The following HECW1 variants were observed in gnomAD, a reference collection of about 807,000 sequenced individuals.
HECW1 encodes the protein E3 ubiquitin-protein ligase HECW1.
A neutral mutation model predicts 182.3 loss-of-function variants in HECW1; 61 were observed. The observed-to-expected ratio is 0.33, with a 90% CI of 0.27 to 0.41. The LOEUF is 0.41. Among genes scored for constraint, HECW1 ranks in the 10% least tolerant of loss-of-function variants. HECW1 has a pLI of 1.00. For missense variants in HECW1, 1,739 were observed against 2,108.9 expected (o/e 0.82, Z 3.44); for synonymous variants, 859 against 832.6 (o/e 1.03, Z -0.55).
rs534064577 is a variant in HECW1, at chr7:43,449,010, G to A, written c.2399-1818G>A. 7.2e-5 allele frequency among the ~76,000 whole-genome samples: 11 copies of A among 152,238 alleles called. No homozygotes were observed. The South Asian group carries it at 2.3e-3, about 32-fold the overall frequency. On this transcript the variant is annotated intron_variant, in intron 11 of 29. Transcript: ENST00000395891. ...TTGGTCACATCATTGCATTTGCTTG[G>A]GGTTCACAAGCAGGTGGGATCAGCT...
chr7:43,447,550 G>A (rs564431739), intron 11 of HECW1, among the ~76,000 whole-genome samples: 1 of 152,132 alleles, frequency 6.6e-6, no homozygotes, highest in African/African-American at 2.4e-5. Context: ...AAAGATTCCC[G>A]AGGGGTCTCT....
chr7:43,187,795 A>T (rs536604184), intron 2 of HECW1, among the ~76,000 whole-genome samples: 58 of 152,270 alleles, frequency 3.8e-4, no homozygotes, highest in African/African-American at 1.3e-3. Flanking sequence ...TTTGGTAATT[A>T]TAGGTGAGCT....
At chr7:43,468,849 C>T (rs2077896776) in intron 15 of HECW1, 71 bp from the exon 16 acceptor site, 4 of 1,341,718 alleles carry the variant, frequency 3.0e-6, no homozygotes, top group Non-Finnish European at 4.2e-6. Flanking sequence ...TGTTAGGGTG[C>T]TCATAGTGTG....
chr7:43,395,860 A>G (rs2075211838), intron 6 of HECW1, among the ~76,000 whole-genome samples: 1 of 152,202 alleles, frequency 6.6e-6, no homozygotes, highest in Non-Finnish European at 1.5e-5. Context: ...TCCAATCACA[A>G]CCTATACAGC....
chr7:43,184,608 C>A (rs974994763), intron 2 of HECW1, among the ~76,000 whole-genome samples: 2 of 152,126 alleles, frequency 1.3e-5, no homozygotes, highest in African/African-American at 4.8e-5. Flanking sequence ...GGACTTTCAG[C>A]ATTACCCCTC....
intron 3 of HECW1, chr7:43,258,853 G>A (rs934886442): frequency 3.3e-5 from 5 of 152,156 alleles, no homozygotes; most frequent in Admixed American, 6.5e-5. Context: ...CTGATGGTAG[G>A]GAATGGCTTC....
chr7:43,307,070 G>GA (rs201464180), intron 3 of HECW1, among the ~76,000 whole-genome samples: 250 of 151,294 alleles, frequency 1.7e-3, no homozygotes, highest in Non-Finnish European at 2.8e-3. Flanking sequence ...CTACAAATAG[G>GA]AAAAAAAACC....
chr7:43,417,313 G>C (rs1269953085), intron 8 of HECW1, among the ~76,000 whole-genome samples: 1 of 152,158 alleles, frequency 6.6e-6, no homozygotes, highest in Non-Finnish European at 1.5e-5. Flanking sequence ...ATTTCCCAAA[G>C]TGCTGAGATT....
At chr7:43,301,988 C>T (rs1374718260) in intron 3 of HECW1, among the ~76,000 whole-genome samples, 1 of 152,094 alleles carries the variant, frequency 6.6e-6, no homozygotes, top group Non-Finnish European at 1.5e-5. Context: ...TAAAAGAGAG[C>T]ATCTTTACAG....
rs1352955003 is a variant in HECW1, at chr7:43,469,230, G to C, written c.3099+125G>C. 3.1e-6 allele frequency: 3 copies of C among 971,420 alleles called. No homozygotes were observed. In the East Asian group the frequency reaches 7.4e-5, roughly 24 times the overall value. The allele number at this position is 971,420 out of a possible 1,614,324, so 60.2% of individuals were successfully genotyped here. A position where few individuals can be genotyped will look rare whatever the true frequency, so the allele number is the denominator to read the frequency against. The stretch of plus-strand genomic sequence containing the variant: ...CTGAGAGATGTGCTATCGGCCGCCA[G>C]CAGTAAAGGGGCTGATAACCACCCA... On this transcript the variant is annotated intron_variant, in intron 16 of 29. Coordinates refer to ENST00000395891, the MANE Select transcript of HECW1 (RefSeq NM_015052.5).
At chr7:43,393,431 G>A (rs10261813) in intron 6 of HECW1, among the ~76,000 whole-genome samples, 41,594 of 152,076 alleles carry the variant, frequency 0.27, 5,812 homozygotes, top group South Asian at 0.41. Context: ...CTTCTGCAAC[G>A]CATCTCGAGT....
intron 28 of HECW1, among the ~76,000 whole-genome samples, chr7:43,553,665 T>A (rs1318481511): frequency 3.9e-5 from 4 of 102,770 alleles, no homozygotes; most frequent in African/African-American, 1.5e-4. Context: ...CGAGATTCTG[T>A]CTCAAAAAAA....
At chr7:43,117,401 T>C (rs1785144680) in intron 2 of HECW1, among the ~76,000 whole-genome samples, 1 of 152,006 alleles carries the variant, frequency 6.6e-6, no homozygotes. Context: ...ACATAAGCCA[T>C]ATGCCAGTAG....
At chr7:43,382,113 G>A (rs1013899922) in intron 6 of HECW1, among the ~76,000 whole-genome samples, 1 of 152,194 alleles carries the variant, frequency 6.6e-6, no homozygotes, top group East Asian at 1.9e-4. Context: ...GTGAAACCCC[G>A]TCTCTACTAG....
chr7:43,315,069 T>C (rs1044110785), intron 4 of HECW1, among the ~76,000 whole-genome samples: 1 of 152,208 alleles, frequency 6.6e-6, no homozygotes, highest in African/African-American at 2.4e-5. Context: ...AGGGTTGTGA[T>C]GCTTTCAGCA....
chr7:43,509,096 G>A lies in HECW1; in HGVS notation c.3994G>A (p.Ala1332Thr), dbSNP rs200973212. Reference protein sequence around the residue: ...TYTVQISPMSAFVENHLEWFR... With the variant: ...TYTVQISPMSTFVENHLEWFR... ...CACGGTGCAGATCAGCCCCATGTCCGCATTTGTAGAAAACCATCTTGAGTG... is the reference window on the plus strand; with the variant it reads ...CACGGTGCAGATCAGCCCCATGTCCACATTTGTAGAAAACCATCTTGAGTG... The change falls in exon 24 of 30, where the codon GCA becomes ACA. Residue 1332 changes from alanine to threonine, a missense_variant. Around this residue, in one of 5 missense-constraint regions of HECW1, gnomAD observed 420 missense variants for 595.7 expected, o/e 0.71. Transcript: ENST00000395891. 1.7e-5 allele frequency: 28 copies of A among 1,613,836 alleles called. No individual in the cohort carries two copies. Among genetic ancestry groups the A allele is most frequent in the Middle Eastern group, 3.3e-4 (2 of 6,082 alleles).
In HECW1 at chr7:43,562,320, C is replaced by T; in HGVS notation, c.*394C>T. On this transcript the variant is annotated 3_prime_UTR_variant, in exon 30 of 30. Coordinates refer to ENST00000395891, the MANE Select transcript of HECW1 (RefSeq NM_015052.5). Reference sequence around the variant, plus strand: ...AAATGTGAGCATTAAGCACTCCAGGCTTTCATATGCCCATGTCTTCTGAGC... The same window carrying T: ...AAATGTGAGCATTAAGCACTCCAGGTTTTCATATGCCCATGTCTTCTGAGC... 4.2e-6 allele frequency: 1 copy of T among 237,924 alleles called. No homozygotes were observed. The highest frequency in any genetic ancestry group is 8.2e-6 in the Non-Finnish European group (1 of 121,272). 14.7% of individuals were successfully genotyped at this position (237,924 alleles called of 1,614,324 possible).
chr7:43,325,087 A>G (rs1810597335), intron 5 of HECW1, among the ~76,000 whole-genome samples: 1 of 152,210 alleles, frequency 6.6e-6, no homozygotes, highest in Non-Finnish European at 1.5e-5. Flanking sequence ...GGAGTAACAT[A>G]CCTGATAAAA....
At chr7:43,354,676 GA>G (rs1375986843) in intron 5 of HECW1, among the ~76,000 whole-genome samples, 2 of 151,844 alleles carry the variant, frequency 1.3e-5, no homozygotes, top group Non-Finnish European at 2.9e-5. Context: ...AATTACCTCA[GA>G]AGACCAAATC....
Sources: allele counts gnomAD v4.1 joint callset (sites outside exome capture counted in the v4.1 genomes callset), GRCh38; gene constraint gnomAD v4.1.1; regional missense constraint gnomAD v4.1.1; transcripts MANE v1.5; gene names NCBI Gene and HGNC (gene_info 2026-07-23, HGNC 2026-07-21).